EXT1: variants seen among roughly 807,000 people sequenced by gnomAD.
EXT1 encodes the protein exostosin-1.
A neutral mutation model predicts 82.5 loss-of-function variants in EXT1; 20 were observed. The observed-to-expected ratio is 0.24, with a 90% confidence interval of 0.17 to 0.35. The LOEUF (loss-of-function observed/expected upper bound fraction) is 0.35. Ranked by LOEUF, EXT1 falls within the 10% of genes least tolerant of loss-of-function variation. The pLI is 1.00. For missense variants in EXT1, 757 were observed against 936.5 expected, an observed-to-expected ratio of 0.81 and a Z score of 2.50; for synonymous variants, 348 against 350.8, an observed-to-expected ratio of 0.99 and a Z score of 0.09.
intron 1 of EXT1, among the ~76,000 whole-genome samples, chr8:117,963,074 A>G (rs1209541567): frequency 1.3e-5 from 2 of 152,058 alleles, no homozygotes. Context: ...CCACCATCCC[A>G]TCCCATCCCA....
At chr8:117,859,258 T>C (rs1208172378) in intron 1 of EXT1, among the ~76,000 whole-genome samples, 3 of 152,178 alleles carry the variant, frequency 2.0e-5, no homozygotes, top group African/African-American at 7.2e-5. Context: ...GAACTTAGTG[T>C]TCAAAAACAG....
intron 1 of EXT1, among the ~76,000 whole-genome samples, chr8:117,841,135 G>A (rs1393472793): frequency 6.6e-6 from 1 of 152,188 alleles, no homozygotes; most frequent in Non-Finnish European, 1.5e-5. Flanking sequence ...ACAGCAGTTT[G>A]TCTGTAATAA....
At chr8:117,898,903 T>G (rs1813392820) in intron 1 of EXT1, among the ~76,000 whole-genome samples, 1 of 152,128 alleles carries the variant, frequency 6.6e-6, no homozygotes, top group South Asian at 2.1e-4. Flanking sequence ...GTCAGGAAAC[T>G]ACGGTTTTAT....
chr8:118,091,584 AAG>A (rs1170747502), intron 1 of EXT1, among the ~76,000 whole-genome samples: 1 of 152,150 alleles, frequency 6.6e-6, no homozygotes. Flanking sequence ...TAAAAATAAA[AAG>A]AAAAAAAAAT....
intron 1 of EXT1, among the ~76,000 whole-genome samples, chr8:117,905,743 C>T (rs547814182): frequency 2.6e-5 from 4 of 152,258 alleles, no homozygotes; most frequent in Admixed American, 2.0e-4. Context: ...ACCCGGGAGG[C>T]GGAGCTTGCA....
At chr8:117,845,518 A>G (rs1341546567) in intron 1 of EXT1, among the ~76,000 whole-genome samples, 2 of 152,058 alleles carry the variant, frequency 1.3e-5, no homozygotes, top group African/African-American at 4.8e-5. Flanking sequence ...ATTCCTGCTC[A>G]TTAAATAACA....
intron 1 of EXT1, among the ~76,000 whole-genome samples, chr8:118,032,768 C>A (rs1029157365): frequency 7.9e-5 from 12 of 152,008 alleles, no homozygotes; most frequent in African/African-American, 2.9e-4. Flanking sequence ...CCTCAGCCTC[C>A]CAAAATGCTG....
chr8:117,922,030 A>G (rs190130028), intron 1 of EXT1, among the ~76,000 whole-genome samples: 1 of 152,042 alleles, frequency 6.6e-6, no homozygotes, highest in Admixed American at 6.6e-5. Context: ...GTTTCACTGA[A>G]ATTCCCATAA....
intron 1 of EXT1, among the ~76,000 whole-genome samples, chr8:118,019,338 A>G (rs1239451669): frequency 6.6e-6 from 1 of 152,210 alleles, no homozygotes; most frequent in Non-Finnish European, 1.5e-5. Context: ...GTAAGTCTTG[A>G]GCACATGTAT....
intron 4 of EXT1, 97 bp downstream of exon 4, chr8:117,830,133 C>G (rs1250878449): frequency 6.5e-7 from 1 of 1,537,662 alleles, no homozygotes; most frequent in East Asian, 2.3e-5. Flanking sequence ...TTTTGCCCCA[C>G]TGGACCAATC....
At chr8:118,064,163 C>T (rs554304126) in intron 1 of EXT1, among the ~76,000 whole-genome samples, 115 of 152,222 alleles carry the variant, frequency 7.6e-4, no homozygotes, top group African/African-American at 2.6e-3. Flanking sequence ...CGCGTCAAGT[C>T]GCTACACACT....
intron 1 of EXT1, among the ~76,000 whole-genome samples, chr8:118,048,015 G>GA (rs1816650702): frequency 7.4e-6 from 1 of 134,860 alleles, no homozygotes; most frequent in South Asian, 2.4e-4. Context: ...AACAGAACAA[G>GA]AATTAATATT....
At chr8:118,005,416 C>G (rs1815753322) in intron 1 of EXT1, among the ~76,000 whole-genome samples, 1 of 152,200 alleles carries the variant, frequency 6.6e-6, no homozygotes, top group Admixed American at 6.5e-5. Context: ...TGATTAAAAA[C>G]AGCAAAACAA....
intron 1 of EXT1, among the ~76,000 whole-genome samples, chr8:118,063,546 T>C (rs1338775048): frequency 6.6e-6 from 1 of 152,194 alleles, no homozygotes; most frequent in East Asian, 1.9e-4. Flanking sequence ...CTAACATACC[T>C]GCCACATGCA....
chr8:117,805,819 T>C (rs1351925466), intron 9 of EXT1, among the ~76,000 whole-genome samples: 2 of 152,228 alleles, frequency 1.3e-5, no homozygotes, highest in Non-Finnish European at 2.9e-5. Flanking sequence ...CTCACTAGTT[T>C]GGCAATCTTA....
chr8:117,899,061 A>G (rs1230133747), intron 1 of EXT1, among the ~76,000 whole-genome samples: 3 of 152,212 alleles, frequency 2.0e-5, no homozygotes, highest in African/African-American at 7.2e-5. Flanking sequence ...AGCAATTTGA[A>G]TAAAGGGCCA....
intron 1 of EXT1, among the ~76,000 whole-genome samples, chr8:118,104,254 T>C (rs1235426783): frequency 6.6e-6 from 1 of 152,250 alleles, no homozygotes; most frequent in Non-Finnish European, 1.5e-5. Context: ...GAATCCTGTT[T>C]ATTACAGGAG....
intron 1 of EXT1, among the ~76,000 whole-genome samples, chr8:117,890,890 G>A (rs916291698): frequency 1.3e-5 from 2 of 152,176 alleles, no homozygotes; most frequent in African/African-American, 4.8e-5. Flanking sequence ...TAGCTTGAAA[G>A]AGAACCAGAC....
chr8:117,935,218 T>C (rs1814136444), intron 1 of EXT1, among the ~76,000 whole-genome samples: 1 of 151,988 alleles, frequency 6.6e-6, no homozygotes, highest in Admixed American at 6.6e-5. Context: ...CAGGAGCTAA[T>C]AGTGTCATGT....
Sources: gnomAD v4.1 joint callset for allele counts (sites outside exome capture counted in the v4.1 genomes callset) on GRCh38, gnomAD v4.1.1 for gene constraint, MANE v1.5 for transcripts, NCBI Gene and HGNC (gene_info 2026-07-23, HGNC 2026-07-21) for gene names.